Variants in LY86 observed in about 807,000 individuals in gnomAD.
LY86 encodes MD-1, RP105-associated.
Under a neutral mutation model 17.3 loss-of-function variants are expected in LY86, and 20 were observed. That is an observed-to-expected ratio of 1.15 (90% CI 0.81 to 1.68). The LOEUF (loss-of-function observed/expected upper bound fraction) is 1.68. Ranked by LOEUF, LY86 falls within the 40% of genes most tolerant of loss-of-function variation. The pLI, the probability that LY86 is intolerant of heterozygous loss-of-function variation, is 0.00. For synonymous variants in LY86, 74 were observed against 70.6 expected, an observed-to-expected ratio of 1.05 and a Z score of -0.24; for missense variants, 200 against 191.9, an observed-to-expected ratio of 1.04 and a Z score of -0.25.
At chr6:6,607,227 C>G (rs1204639033) in intron 1 of LY86, among the ~76,000 whole-genome samples, 1 of 152,204 alleles carries the variant, frequency 6.6e-6, no homozygotes, top group African/African-American at 2.4e-5. Context: ...CGAAAAAGTT[C>G]TAGAAATCTG....
chr6:6,601,719 CGAAAAAAAAA>C lies in LY86; in HGVS notation c.136+12864_136+12873del, dbSNP rs543812127. On this transcript the variant is annotated intron_variant, in intron 1 of 4. Transcript: ENST00000230568. Reference sequence around the variant, plus strand: ...TGGGAGACAGAGTGAGACACTGTCTCGAAAAAAAAAGAAAAAAAAAGAAATATACAATAGA... The same window carrying C: ...TGGGAGACAGAGTGAGACACTGTCTCGAAAAAAAAAGAAATATACAATAGA... Among the ~76,000 whole-genome samples, 114 of 143,000 alleles carry C rather than the reference CGAAAAAAAAA, an allele frequency of 8.0e-4. No homozygotes were observed. In the South Asian group the frequency reaches 0.015, roughly 18 times the overall value. The allele number at this position is 143,000 out of a possible 152,430, so 93.8% of individuals were successfully genotyped here. A position where few individuals can be genotyped will look rare whatever the true frequency, so the allele number is the denominator to read the frequency against.
At chr6:6,631,352 C>T (rs1761895395) in intron 3 of LY86, among the ~76,000 whole-genome samples, 1 of 152,204 alleles carries the variant, frequency 6.6e-6, no homozygotes, top group South Asian at 2.1e-4. Flanking sequence ...TTCTGTCCAG[C>T]TCCAAACCCC....
chr6:6,621,828 A>T (rs1761685821), intron 1 of LY86, among the ~76,000 whole-genome samples: 2 of 152,328 alleles, frequency 1.3e-5, no homozygotes, highest in African/African-American at 4.8e-5. Context: ...GGCACTGGGG[A>T]GTTAGCTTTG....
chr6:6,600,468 G>A (rs1235436428), intron 1 of LY86, among the ~76,000 whole-genome samples: 1 of 151,688 alleles, frequency 6.6e-6, no homozygotes, highest in Non-Finnish European at 1.5e-5. Flanking sequence ...GTGGACGCCT[G>A]TAATCACAGC....
chr6:6,611,565 A>G (rs1344969637), intron 1 of LY86, among the ~76,000 whole-genome samples: 1 of 152,252 alleles, frequency 6.6e-6, no homozygotes, highest in Non-Finnish European at 1.5e-5. Flanking sequence ...ATGAATGGAC[A>G]CAAAACCGCC....
intron 1 of LY86, among the ~76,000 whole-genome samples, chr6:6,596,463 TAC>T (rs1395120614): frequency 6.6e-6 from 1 of 152,200 alleles, no homozygotes; most frequent in Non-Finnish European, 1.5e-5. Flanking sequence ...AAATATTGCA[TAC>T]AGACAGCAAT....
At position 6,588,965 on chromosome 6, in the gene LY86, G is replaced by GA. The variant is rs1258258245; in HGVS notation, c.136+96dup. 2.7e-6 allele frequency: 4 copies of GA among 1,473,544 alleles called. No homozygotes were observed. The African/African-American group carries it at 4.2e-5, about 15-fold the overall frequency. 91.3% of individuals were successfully genotyped at this position (1,473,544 alleles called of 1,614,324 possible). On this transcript the variant is annotated intron_variant, in intron 1 of 4. Transcript: ENST00000230568. The stretch of plus-strand genomic sequence containing the variant: ...CTCAGTTGGAGTTGGGGTGGGAGGG[G>GA]AGAGGGGACCAGCAGCTGAACACTT...
intron 1 of LY86, chr6:6,621,047 C>T (rs1761661287): frequency 6.6e-6 from 1 of 152,206 alleles, no homozygotes; most frequent in East Asian, 1.9e-4. Context: ...ATAATGCTGT[C>T]CTCCCTTGGG....
intron 1 of LY86, among the ~76,000 whole-genome samples, chr6:6,615,442 C>T (rs980829691): frequency 2.0e-5 from 3 of 152,212 alleles, no homozygotes; most frequent in African/African-American, 7.2e-5. Context: ...TGGCTGAAGG[C>T]AGGCTGCGGT....
intron 1 of LY86, among the ~76,000 whole-genome samples, chr6:6,604,376 T>C (rs866440985): frequency 6.6e-5 from 10 of 152,146 alleles, no homozygotes; most frequent in Middle Eastern, 3.4e-3. Context: ...AAAAATAGTA[T>C]CAAAATAATC....
intron 1 of LY86, among the ~76,000 whole-genome samples, chr6:6,604,144 A>T (rs572110237): frequency 1.3e-5 from 2 of 152,206 alleles, no homozygotes; most frequent in East Asian, 3.8e-4. Flanking sequence ...CTATGGGGTC[A>T]TATACCCTCA....
At chr6:6,598,901 C>T (rs1221433336) in intron 1 of LY86, among the ~76,000 whole-genome samples, 1 of 152,246 alleles carries the variant, frequency 6.6e-6, no homozygotes, top group Admixed American at 6.5e-5. Flanking sequence ...TAGAACATAG[C>T]ATTGACCTGT....
At chr6:6,613,769 C>T (rs1009149601) in intron 1 of LY86, among the ~76,000 whole-genome samples, 5 of 152,236 alleles carry the variant, frequency 3.3e-5, no homozygotes, top group African/African-American at 9.6e-5. Flanking sequence ...GCCCCAAGAG[C>T]GAGCGAGGGC....
At chr6:6,624,731 G>A (rs1255381531) in intron 1 of LY86, among the ~76,000 whole-genome samples, 195 bp from the exon 2 acceptor site, 1 of 152,178 alleles carries the variant, frequency 6.6e-6, no homozygotes, top group Non-Finnish European at 1.5e-5. Flanking sequence ...TGTTGTCAGA[G>A]TGAACATGAT....
intron 2 of LY86, among the ~76,000 whole-genome samples, chr6:6,625,294 A>G (rs1265942675): frequency 6.6e-6 from 1 of 152,226 alleles, no homozygotes; most frequent in Admixed American, 6.5e-5. Context: ...GCAAAAAAAA[A>G]GGAAAATATT....
intron 1 of LY86, among the ~76,000 whole-genome samples, chr6:6,606,511 C>T (rs995800722): frequency 7.9e-5 from 12 of 152,142 alleles, no homozygotes; most frequent in South Asian, 6.2e-4. Flanking sequence ...ACCGGGGCGC[C>T]GTGTAGCAGG....
intron 1 of LY86, 146 bp downstream of exon 1, chr6:6,589,016 G>A (rs1266416893): frequency 1.8e-6 from 2 of 1,094,938 alleles, no homozygotes; most frequent in Non-Finnish European, 2.5e-6. Flanking sequence ...GGTCTGGGAG[G>A]GCCACTGGGA....
At chr6:6,625,910 G>A (rs1001191818) in intron 2 of LY86, among the ~76,000 whole-genome samples, 2 of 152,230 alleles carry the variant, frequency 1.3e-5, no homozygotes, top group African/African-American at 4.8e-5. Flanking sequence ...GGCAACAGCA[G>A]CAGGTGTATG....
chr6:6,643,801 G>A (rs1364769444), intron 3 of LY86, among the ~76,000 whole-genome samples: 1 of 152,138 alleles, frequency 6.6e-6, no homozygotes, highest in African/African-American at 2.4e-5. Flanking sequence ...GTGACTATGT[G>A]AGGATATGCT....
Sources: allele counts gnomAD v4.1 joint callset (sites outside exome capture counted in the v4.1 genomes callset), GRCh38; gene constraint gnomAD v4.1.1; transcripts MANE v1.5; gene names NCBI Gene and HGNC (gene_info 2026-07-23, HGNC 2026-07-21).